Variants in PCDH15 observed in about 807,000 individuals in gnomAD.
The protein encoded by PCDH15 is protocadherin-15.
A neutral mutation model predicts 178.5 loss-of-function variants in PCDH15; 129 were observed. The observed-to-expected ratio is 0.72, with a 90% CI of 0.63 to 0.84. The LOEUF is 0.84. Ranked by LOEUF, PCDH15 falls within the 40% of genes least tolerant of loss-of-function variation. The pLI is 0.00. For missense variants in PCDH15, 2,230 were observed against 2,099.9 expected, an observed-to-expected ratio of 1.06 and a Z score of -1.21; for synonymous variants, 800 against 732.0, an observed-to-expected ratio of 1.09 and a Z score of -1.50.
At chr10:54,119,485 A>C (rs2095176644) in intron 15 of PCDH15, among the ~76,000 whole-genome samples, 2 of 152,162 alleles carry the variant, frequency 1.3e-5, no homozygotes, top group South Asian at 2.1e-4. Flanking sequence ...TCTTCAAGAA[A>C]TAAAGGATTA....
At chr10:55,596,834 T>C (rs1456008933) in intron 2 of PCDH15, among the ~76,000 whole-genome samples, 2 of 152,018 alleles carry the variant, frequency 1.3e-5, no homozygotes, top group Non-Finnish European at 2.9e-5. Flanking sequence ...AAAATAAATC[T>C]TTTAACTATG....
intron 2 of PCDH15, among the ~76,000 whole-genome samples, chr10:54,556,165 T>C (rs866037121): frequency 1.3e-5 from 2 of 152,222 alleles, no homozygotes; most frequent in Admixed American, 6.5e-5. Flanking sequence ...ATTATTTTAA[T>C]TTCCATGCTA....
chr10:54,726,767 C>T (rs529553853), intron 1 of PCDH15, among the ~76,000 whole-genome samples: 200 of 149,850 alleles, frequency 1.3e-3, no homozygotes, highest in African/African-American at 4.8e-3. Flanking sequence ...CAATCAAAAG[C>T]ACTACACAGC....
intron 3 of PCDH15, among the ~76,000 whole-genome samples, chr10:54,417,255 C>T (rs2795918): frequency 0.66 from 99,960 of 151,962 alleles, 34,424 homozygotes; most frequent in African/African-American, 0.79. Flanking sequence ...TTTACACTTA[C>T]GTCGATCTAC....
intron 2 of PCDH15, among the ~76,000 whole-genome samples, chr10:55,012,941 C>T (rs1840082008): frequency 6.6e-6 from 1 of 152,080 alleles, no homozygotes. Context: ...CATCTCTTTG[C>T]ATGTGTCAAA....
Position 54,590,020 on chromosome 10 carries a change from A to G in PCDH15, c.92-62143T>C, listed in dbSNP as rs111872761. ...GTCAGCAGTATATATTTTCCTAGAC[A>G]ATGAAAAGACTCCCAACTGGCCTTT... is the stretch of plus-strand genomic sequence containing the variant. On this transcript the variant is annotated intron_variant, in intron 2 of 37. Coordinates refer to ENST00000644397, the MANE Select transcript of PCDH15 (RefSeq NM_001384140.1). Among the ~76,000 whole-genome samples, 1,248 of 152,326 alleles carry G rather than the reference A, an allele frequency of 8.2e-3. 12 individuals carry two copies. The highest frequency in any genetic ancestry group is 0.029 in the African/African-American group (1,196 of 41,570).
intron 2 of PCDH15, among the ~76,000 whole-genome samples, chr10:55,392,907 A>G (rs933274902): frequency 6.6e-6 from 1 of 151,988 alleles, no homozygotes; most frequent in African/African-American, 2.4e-5. Flanking sequence ...TCCTCTCAAC[A>G]ATTAAAATTA....
chr10:54,611,442 T>A (rs1379607850), intron 2 of PCDH15, among the ~76,000 whole-genome samples: 2 of 151,842 alleles, frequency 1.3e-5, no homozygotes, highest in Non-Finnish European at 2.9e-5. Context: ...AAATAAATAT[T>A]CCCACTATAA....
In PCDH15 at chr10:54,369,171, AT is replaced by A; in HGVS notation, c.422del (p.Asn141MetfsTer16). On this transcript the variant is annotated frameshift_variant, in exon 5 of 38. Transcript: ENST00000644397. LOFTEE classifies it high-confidence loss of function. Reference sequence around the variant, plus strand: ...CATGCTTGAAAGTGGGTGAGTTGTCATTCCTGTCTCTCACCACTATTCGCAC... The same window carrying A: ...CATGCTTGAAAGTGGGTGAGTTGTCATCCTGTCTCTCACCACTATTCGCAC... Reference protein sequence around the residue: ...HEVRIVVRDRNDNSPTFKHES... With the variant: ...HEVRIVVRDRXDNSPTFKHES... 3 of 1,613,082 alleles carry A rather than the reference AT, an allele frequency of 1.9e-6. No homozygotes were observed. The highest frequency in any genetic ancestry group is 2.5e-6 in the Non-Finnish European group (3 of 1,179,420).
rs934775008 is a variant in PCDH15 at position 54,031,333 on chromosome 10, C to T, written c.2221-8136G>A. On this transcript the variant is annotated intron_variant, in intron 18 of 37. Transcript: ENST00000644397. ...CTTCATCTGGGAAACCTCTTCTTTC[C>T]ATCCAGCCTTCTGGTCCCTCTTGCA... Among the ~76,000 whole-genome samples the T allele has an allele frequency of 2.6e-5, 4 of 151,948 alleles. No homozygotes were observed. The South Asian group carries it at 8.3e-4, about 31-fold the overall frequency.
intron 3 of PCDH15, among the ~76,000 whole-genome samples, chr10:54,484,113 G>A (rs887462096): frequency 6.6e-6 from 1 of 151,898 alleles, no homozygotes; most frequent in Admixed American, 6.6e-5. Context: ...CAATTTTGCT[G>A]TTGCAATGGA....
intron 23 of PCDH15, among the ~76,000 whole-genome samples, chr10:53,945,195 A>G (rs2086431067): frequency 6.6e-6 from 1 of 152,234 alleles, no homozygotes; most frequent in African/African-American, 2.4e-5. Flanking sequence ...GAAATAAATT[A>G]AGATAAAAAT....
chr10:54,297,750 G>C (rs2059893564), intron 8 of PCDH15, among the ~76,000 whole-genome samples: 1 of 152,202 alleles, frequency 6.6e-6, no homozygotes, highest in Admixed American at 6.5e-5. Flanking sequence ...AGCAGATCAA[G>C]GCAGACCTGG....
At chr10:54,604,608 A>G (rs1310294871) in intron 2 of PCDH15, among the ~76,000 whole-genome samples, 1 of 148,760 alleles carries the variant, frequency 6.7e-6, no homozygotes, top group East Asian at 1.9e-4. Context: ...TTTCATTACC[A>G]TTTGCATAAA....
At chr10:54,067,379 T>G (rs1209455499) in intron 17 of PCDH15, among the ~76,000 whole-genome samples, 1 of 152,196 alleles carries the variant, frequency 6.6e-6, no homozygotes. Flanking sequence ...AATAATTTTC[T>G]AGGTGTACAT....
chr10:54,136,885 T>C (rs2042952797), intron 14 of PCDH15, among the ~76,000 whole-genome samples: 1 of 152,148 alleles, frequency 6.6e-6, no homozygotes, highest in Admixed American at 6.6e-5. Context: ...CCCCTTGGTC[T>C]TGAATGTTAG....
At chr10:55,097,520 T>C (rs956202930) in intron 2 of PCDH15, among the ~76,000 whole-genome samples, 11 of 152,112 alleles carry the variant, frequency 7.2e-5, no homozygotes, top group Admixed American at 3.9e-4. Flanking sequence ...GGTTTTGTAT[T>C]GACAAAATAT....
At chr10:53,940,797 C>T in intron 24 of PCDH15, 69 bp downstream of exon 24, 1 of 1,106,918 alleles carries the variant, frequency 9.0e-7, no homozygotes, top group Non-Finnish European at 1.4e-6. Context: ...AATTTCAATT[C>T]AATCTGAAAT....
intron 8 of PCDH15, among the ~76,000 whole-genome samples, chr10:54,298,702 C>G (rs530954552): frequency 2.6e-5 from 4 of 152,172 alleles, no homozygotes; most frequent in Admixed American, 2.6e-4. Context: ...CATGTCATCA[C>G]CCTCACTGAA....
Sources: gnomAD v4.1 joint callset for allele counts (sites outside exome capture counted in the v4.1 genomes callset) on GRCh38, gnomAD v4.1.1 for gene constraint, MANE v1.5 for transcripts, NCBI Gene and HGNC (gene_info 2026-07-23, HGNC 2026-07-21) for gene names.